The following ULK4 variants were observed in gnomAD, a reference collection of about 807,000 sequenced individuals.
ULK4 encodes the protein unc-51 like kinase 4, also known as inactive serine/threonine-protein kinase ULK4.
A neutral mutation model predicts 160.6 loss-of-function variants in ULK4; 133 were observed. The ratio of observed to expected loss-of-function variants is 0.83; its 90% CI spans 0.72 to 0.96. The LOEUF (loss-of-function observed/expected upper bound fraction) is 0.96. Among genes scored for constraint, ULK4 ranks in the 40% least tolerant of loss-of-function variants. The probability of loss-of-function intolerance (pLI) is 0.00; values close to 1 mark genes in which losing one functional copy is unlikely to be tolerated. For missense variants in ULK4, 1,580 were observed against 1,499.5 expected, an observed-to-expected ratio of 1.05 and a Z score of -0.89; for synonymous variants, 534 against 539.8, an observed-to-expected ratio of 0.99 and a Z score of 0.15.
At position 41,649,084 on chromosome 3, in the gene ULK4, C is replaced by T. The variant is rs189604355; in HGVS notation, c.3071+14523G>A. ...CAGAGTTTACAGTGAGCCGAGATTA[C>T]GCCACTGCACTCCAGCCTGGGTGAC... On this transcript the variant is annotated intron_variant, in intron 30 of 36. Coordinates refer to ENST00000301831, the MANE Select transcript of ULK4 (RefSeq NM_017886.4). 2.9e-3 allele frequency among the ~76,000 whole-genome samples: 446 copies of T among 151,710 alleles called. 2 individuals are homozygous for T. Among genetic ancestry groups the T allele is most frequent in the Non-Finnish European group, 5.2e-3 (353 of 67,898 alleles).
intron 17 of ULK4, among the ~76,000 whole-genome samples, chr3:41,863,867 G>A (rs1196686760): frequency 2.0e-5 from 3 of 151,746 alleles, no homozygotes; most frequent in African/African-American, 7.3e-5. Flanking sequence ...TCAAGCAGAA[G>A]GAAGGGGTCT....
chr3:41,339,343 G>A (rs1340668613), intron 35 of ULK4, among the ~76,000 whole-genome samples: 1 of 152,096 alleles, frequency 6.6e-6, no homozygotes, highest in East Asian at 1.9e-4. Context: ...CCCACACAAT[G>A]CCCCTTGCCA....
At chr3:41,685,132 C>A (rs1335822377) in intron 27 of ULK4, among the ~76,000 whole-genome samples, 1 of 152,214 alleles carries the variant, frequency 6.6e-6, no homozygotes, top group Non-Finnish European at 1.5e-5. Context: ...CCATGAACAA[C>A]TTCTGACTTC....
chr3:41,363,063 ACT>A (rs1027088411), intron 35 of ULK4, among the ~76,000 whole-genome samples: 1 of 151,980 alleles, frequency 6.6e-6, no homozygotes, highest in African/African-American at 2.4e-5. Flanking sequence ...TTTGCAGTGG[ACT>A]CTCTGAGCCA....
intron 29 of ULK4, among the ~76,000 whole-genome samples, chr3:41,679,637 A>G (rs1227747792): frequency 6.6e-6 from 1 of 152,238 alleles, no homozygotes; most frequent in Non-Finnish European, 1.5e-5. Flanking sequence ...AGCTCAAATG[A>G]GTAACACAGG....
At chr3:41,852,064 G>A (rs375947322) in intron 17 of ULK4, among the ~76,000 whole-genome samples, 12 of 152,130 alleles carry the variant, frequency 7.9e-5, no homozygotes, top group Non-Finnish European at 1.0e-4. Flanking sequence ...TATCACCACC[G>A]ATCCCACAGA....
At chr3:41,756,637 C>A (rs1206593660) in intron 21 of ULK4, among the ~76,000 whole-genome samples, 14 of 152,180 alleles carry the variant, frequency 9.2e-5, no homozygotes, top group African/African-American at 3.4e-4. Context: ...TGTAAGGAAG[C>A]TGGTCAGAGG....
At chr3:41,721,358 ATATATTTTT>A (rs1207653343) in intron 22 of ULK4, among the ~76,000 whole-genome samples, 1 of 61,254 alleles carries the variant, frequency 1.6e-5, no homozygotes, top group Non-Finnish European at 2.7e-5. Flanking sequence ...ATATATATAT[ATATATTTTT>A]TTTTTTTTTT....
chr3:41,814,255 A>G (rs1350553060), intron 19 of ULK4, among the ~76,000 whole-genome samples: 1 of 152,196 alleles, frequency 6.6e-6, no homozygotes, highest in African/African-American at 2.4e-5. Context: ...ACTGCTTTAC[A>G]CCATACAAGC....
intron 32 of ULK4, among the ~76,000 whole-genome samples, chr3:41,493,892 C>T (rs1379570845): frequency 1.3e-5 from 2 of 148,414 alleles, no homozygotes; most frequent in African/African-American, 5.0e-5. Context: ...GAAGTTGAAT[C>T]TCTGAATAGA....
At chr3:41,824,721 T>C (rs1050335282) in intron 18 of ULK4, among the ~76,000 whole-genome samples, 3 of 152,168 alleles carry the variant, frequency 2.0e-5, no homozygotes, top group Non-Finnish European at 2.9e-5. Context: ...CCTGCCTCTG[T>C]AGACTCCACC....
chr3:41,559,243 A>G (rs2087458524), intron 32 of ULK4, among the ~76,000 whole-genome samples: 1 of 128,940 alleles, frequency 7.8e-6, no homozygotes, highest in Non-Finnish European at 1.8e-5. Context: ...TCCATGGTGT[A>G]TATGTGCCAC....
intron 30 of ULK4, among the ~76,000 whole-genome samples, chr3:41,620,076 C>A (rs2033167043): frequency 6.6e-6 from 1 of 152,150 alleles, no homozygotes; most frequent in Admixed American, 6.5e-5. Flanking sequence ...GAACTCGAAT[C>A]CCTGAATAGA....
rs866065979 is a variant in ULK4 at position 41,769,980 on chromosome 3, T to C, written c.2194-15492A>G. Among the ~76,000 whole-genome samples, 39 of 152,302 alleles carry C rather than the reference T, an allele frequency of 2.6e-4. 1 individual carries two copies. Among genetic ancestry groups the C allele is most frequent in the South Asian group, 8.3e-4 (4 of 4,828 alleles). Reference sequence around the variant, plus strand: ...ACTGACACTATTTTCCTATTTAATATTGAGGGAAACAAACAAGGTAATGAT... The same window carrying C: ...ACTGACACTATTTTCCTATTTAATACTGAGGGAAACAAACAAGGTAATGAT... On this transcript the variant is annotated intron_variant, in intron 21 of 36. Coordinates refer to ENST00000301831, the MANE Select transcript of ULK4 (RefSeq NM_017886.4).
chr3:41,641,630 G>T (rs905722788), intron 30 of ULK4, among the ~76,000 whole-genome samples: 18 of 152,166 alleles, frequency 1.2e-4, no homozygotes, highest in African/African-American at 4.3e-4. Flanking sequence ...AAGCCTGGAA[G>T]ACCCAGGCTA....
Position 41,650,035 on chromosome 3 carries a change from C to T in ULK4, c.3071+13572G>A, listed in dbSNP as rs569157258. Among the ~76,000 whole-genome samples, 4 of 152,094 alleles carry T rather than the reference C, an allele frequency of 2.6e-5. No homozygotes were observed. In the South Asian group the frequency reaches 6.2e-4, roughly 24 times the overall value. On this transcript the variant is annotated intron_variant, in intron 30 of 36. Coordinates refer to ENST00000301831, the MANE Select transcript of ULK4 (RefSeq NM_017886.4). ...CCCACTTTGGGTATACTCAACTTCT[C>T]GGGACAACCTGCCTGTGGAAGGGAG...
chr3:41,715,236 CAAG>C lies in ULK4; in HGVS notation c.2632_2634del (p.Leu878del), dbSNP rs2037227352. ...AACAAGGAAAATTTCGTGTTACTCA[CAAG>C]AATAGTTCCATAGCTGAAAAGAAAC... On this transcript the variant is annotated inframe_deletion and splice_region_variant, in exon 25 of 37. Transcript: ENST00000301831. 2.5e-6 allele frequency: 4 copies of C among 1,611,724 alleles called. No homozygotes were observed. In the South Asian group the frequency reaches 4.4e-5, roughly 18 times the overall value.
intron 32 of ULK4, among the ~76,000 whole-genome samples, chr3:41,548,473 G>C (rs1691966): frequency 0.51 from 77,527 of 151,740 alleles, 19,907 homozygotes; most frequent in Middle Eastern, 0.57. Context: ...AGCACACTGT[G>C]TCAGGACCTG....
chr3:41,706,359 ATT>A (rs1491340620), intron 25 of ULK4, among the ~76,000 whole-genome samples: 9 of 142,348 alleles, frequency 6.3e-5, no homozygotes, highest in Non-Finnish European at 1.1e-4. Flanking sequence ...ATATATATAT[ATT>A]TATATATATA....
Sources: allele counts gnomAD v4.1 joint callset (sites outside exome capture counted in the v4.1 genomes callset), GRCh38; gene constraint gnomAD v4.1.1; transcripts MANE v1.5; gene names NCBI Gene and HGNC (gene_info 2026-07-23, HGNC 2026-07-21).